THSD7B: variants seen among roughly 807,000 people sequenced by gnomAD.
THSD7B encodes thrombospondin type-1 domain-containing protein 7B.
Under a neutral mutation model 213.6 loss-of-function variants are expected in THSD7B, and 138 were observed. That is an observed-to-expected ratio of 0.65 (90% CI 0.56 to 0.74). The LOEUF (loss-of-function observed/expected upper bound fraction) is 0.74. THSD7B is among the 30% of genes least tolerant of loss of function. The pLI is 0.00. For synonymous variants in THSD7B, 742 were observed against 687.0 expected (o/e 1.08, Z -1.25); for missense variants, 1,931 against 1,991.5 (o/e 0.97, Z 0.58).
intron 2 of THSD7B, among the ~76,000 whole-genome samples, chr2:137,041,780 T>C (rs1219984133): frequency 6.6e-6 from 1 of 152,108 alleles, no homozygotes; most frequent in Non-Finnish European, 1.5e-5. Flanking sequence ...TCAATAATGC[T>C]GTGTTCTAAA....
In THSD7B at chr2:137,636,202, A is replaced by G. The variant is rs149171651; in HGVS notation, c.3800-6286A>G. On this transcript the variant is annotated intron_variant, in intron 20 of 27. Coordinates refer to ENST00000409968, the MANE Select transcript of THSD7B (RefSeq NM_001316349.2). Reference sequence around the variant, plus strand: ...TTTGCCCAGTCAACAAACTTTCTCCATTAACACACATGTTCTATCATTGCA... The same window carrying G: ...TTTGCCCAGTCAACAAACTTTCTCCGTTAACACACATGTTCTATCATTGCA... Among the ~76,000 whole-genome samples, 335 of 152,280 alleles carry G rather than the reference A, an allele frequency of 2.2e-3. 1 individual carries two copies. Among genetic ancestry groups the G allele is most frequent in the African/African-American group, 7.0e-3 (289 of 41,554 alleles).
At chr2:136,874,960 T>C (rs1683502919) in intron 1 of THSD7B, among the ~76,000 whole-genome samples, 2 of 152,200 alleles carry the variant, frequency 1.3e-5, no homozygotes, top group African/African-American at 4.8e-5. Flanking sequence ...GAATCTCTAA[T>C]TGTTTCTTGT....
chr2:137,412,623 A>AAC lies in THSD7B; in HGVS notation c.2959+752_2959+753insCA, dbSNP rs1553447829. ...AAAAAAAAAAAAACAAAAAAAAACA[A>AAC]AAAACAGTTTTACTATATAAAGTAT... On this transcript the variant is annotated intron_variant, in intron 14 of 27. Coordinates refer to ENST00000409968, the MANE Select transcript of THSD7B (RefSeq NM_001316349.2). Among the ~76,000 whole-genome samples, 1,133 of 126,278 alleles carry AAC rather than the reference A, an allele frequency of 9.0e-3. 60 individuals are homozygous for AAC. Among genetic ancestry groups the AAC allele is most frequent in the African/African-American group, 0.026 (959 of 37,186 alleles). The allele number at this position is 126,278 out of a possible 152,430, so 82.8% of individuals were successfully genotyped here. A position where few individuals can be genotyped will look rare whatever the true frequency, so the allele number is the denominator to read the frequency against.
At chr2:137,015,954 G>T (rs1686331550) in intron 2 of THSD7B, among the ~76,000 whole-genome samples, 1 of 152,230 alleles carries the variant, frequency 6.6e-6, no homozygotes, top group South Asian at 2.1e-4. Context: ...GGAAATACTT[G>T]TGCTCTTCTC....
In THSD7B at chr2:136,828,243, C is replaced by A. The variant is rs148719543; in HGVS notation, c.-35-53901C>A. 3.0e-4 allele frequency among the ~76,000 whole-genome samples: 45 copies of A among 152,204 alleles called. No homozygotes were observed. The East Asian group carries it at 7.1e-3, about 24-fold the overall frequency. Reference sequence around the variant, plus strand: ...CATCATCCTCTCTTTCTCTGGGTAGCCTTTTCTATGTTTCTTTCTCAGTTA... The same window carrying A: ...CATCATCCTCTCTTTCTCTGGGTAGACTTTTCTATGTTTCTTTCTCAGTTA... On this transcript the variant is annotated intron_variant, in intron 1 of 27. Transcript: ENST00000409968.
At chr2:137,331,252 C>T (rs1256364490) in intron 12 of THSD7B, among the ~76,000 whole-genome samples, 1 of 151,670 alleles carries the variant, frequency 6.6e-6, no homozygotes, top group Non-Finnish European at 1.5e-5. Flanking sequence ...CCCACCAGAG[C>T]AGCTAGATAC....
chr2:136,833,269 G>A lies in THSD7B; in HGVS notation c.-35-48875G>A, dbSNP rs185889052. The stretch of plus-strand genomic sequence containing the variant: ...AGTCCCAGCTACTCGGGAGGCTGAG[G>A]CAGGAGAATGGTGTTAACCTGGGAG... On this transcript the variant is annotated intron_variant, in intron 1 of 27. Coordinates refer to ENST00000409968, the MANE Select transcript of THSD7B (RefSeq NM_001316349.2). Among the ~76,000 whole-genome samples, 1,154 of 133,716 alleles carry A rather than the reference G, an allele frequency of 8.6e-3. 12 individuals carry two copies. Among genetic ancestry groups the A allele is most frequent in the Admixed American group, 0.016 (197 of 12,592 alleles). 87.7% of individuals were successfully genotyped at this position (133,716 alleles called of 152,430 possible).
chr2:137,559,983 G>A (rs1382914516), intron 15 of THSD7B, among the ~76,000 whole-genome samples: 1 of 152,182 alleles, frequency 6.6e-6, no homozygotes, highest in Non-Finnish European at 1.5e-5. Context: ...CTGGCCATCA[G>A]AGAAATGCAA....
intron 2 of THSD7B, among the ~76,000 whole-genome samples, chr2:136,983,582 T>C (rs1685625064): frequency 1.3e-5 from 2 of 151,730 alleles, no homozygotes; most frequent in African/African-American, 4.8e-5. Context: ...ATGTATGCAA[T>C]GACTGCTATT....
intron 12 of THSD7B, among the ~76,000 whole-genome samples, chr2:137,306,692 A>G (rs1177845355): frequency 6.6e-6 from 1 of 151,952 alleles, no homozygotes; most frequent in Non-Finnish European, 1.5e-5. Context: ...AGACTGATAC[A>G]TGTTTTCTAT....
intron 2 of THSD7B, among the ~76,000 whole-genome samples, chr2:137,042,033 A>G (rs1288918270): frequency 1.3e-5 from 2 of 152,200 alleles, no homozygotes; most frequent in South Asian, 2.1e-4. Flanking sequence ...TCACTCTTCT[A>G]TGGGATCTGA....
intron 12 of THSD7B, among the ~76,000 whole-genome samples, chr2:137,307,868 G>A (rs904259881): frequency 5.3e-5 from 8 of 151,966 alleles, no homozygotes; most frequent in African/African-American, 1.7e-4. Context: ...GACCAGGAGC[G>A]GTGACCCTCT....
chr2:136,887,382 G>A (rs1683737591), intron 2 of THSD7B, among the ~76,000 whole-genome samples: 1 of 151,414 alleles, frequency 6.6e-6, no homozygotes. Flanking sequence ...TCTTGATATA[G>A]TTTGGATGTT....
At chr2:136,768,394 T>C (rs1681445193) in intron 1 of THSD7B, among the ~76,000 whole-genome samples, 1 of 151,440 alleles carries the variant, frequency 6.6e-6, no homozygotes, top group Non-Finnish European at 1.5e-5. Flanking sequence ...ATGATTCCTT[T>C]AAAGAAAAAA....
At chr2:137,541,078 G>T (rs995736083) in intron 15 of THSD7B, among the ~76,000 whole-genome samples, 2 of 151,688 alleles carry the variant, frequency 1.3e-5, no homozygotes, top group Non-Finnish European at 3.0e-5. Context: ...TAAACTTACT[G>T]ATTCCAGATA....
intron 15 of THSD7B, among the ~76,000 whole-genome samples, chr2:137,546,428 A>ATATTATATATATAATATATATAT (rs1680725419): frequency 2.0e-4 from 6 of 29,740 alleles, no homozygotes; most frequent in African/African-American, 1.4e-3. Context: ...TATATATTAT[A>ATATTATATATATAATATATATAT]TATATATTAT....
At chr2:137,121,674 C>T (rs1688549537) in intron 5 of THSD7B, among the ~76,000 whole-genome samples, 1 of 152,150 alleles carries the variant, frequency 6.6e-6, no homozygotes, top group Non-Finnish European at 1.5e-5. Context: ...TAGTCTTTGT[C>T]ACTCATTTGG....
At chr2:137,075,303 C>G (rs761552178) in intron 3 of THSD7B, among the ~76,000 whole-genome samples, 2 of 152,096 alleles carry the variant, frequency 1.3e-5, no homozygotes, top group African/African-American at 2.4e-5. Flanking sequence ...TCTTTTTTCT[C>G]TAAACTTCTC....
intron 2 of THSD7B, among the ~76,000 whole-genome samples, chr2:136,942,169 T>G (rs913463185): frequency 2.0e-5 from 3 of 152,126 alleles, no homozygotes; most frequent in Non-Finnish European, 2.9e-5. Context: ...ATGTGTGGTG[T>G]TATTTCTGAG....
Sources: allele counts gnomAD v4.1 joint callset (sites outside exome capture counted in the v4.1 genomes callset), GRCh38; gene constraint gnomAD v4.1.1; transcripts MANE v1.5; gene names NCBI Gene and HGNC (gene_info 2026-07-23, HGNC 2026-07-21).